Variants in PLCB1 observed in about 807,000 individuals in gnomAD.
PLCB1 encodes phospholipase C beta 1, also known as 1-phosphatidylinositol 4,5-bisphosphate phosphodiesterase beta-1.
In PLCB1, 46 loss-of-function variants were observed where a neutral mutation model predicts 161.8. The observed-to-expected ratio is 0.28, with a 90% confidence interval of 0.22 to 0.36. The LOEUF (loss-of-function observed/expected upper bound fraction) is 0.36, where lower values mean the gene tolerates loss of function less well. Among genes scored for constraint, PLCB1 ranks in the 10% least tolerant of loss-of-function variants. The pLI, the probability that PLCB1 is intolerant of heterozygous loss-of-function variation, is 1.00. For missense variants in PLCB1, 1,016 were observed against 1,472.5 expected (o/e 0.69, Z 5.07); for synonymous variants, 517 against 503.7 (o/e 1.03, Z -0.35).
intron 9 of PLCB1, among the ~76,000 whole-genome samples, chr20:8,676,224 G>A (rs945613472): frequency 1.3e-5 from 2 of 152,180 alleles, no homozygotes; most frequent in Non-Finnish European, 2.9e-5. Context: ...AGCCGGGCGT[G>A]GTGGCATGTG....
intron 3 of PLCB1, among the ~76,000 whole-genome samples, chr20:8,578,468 A>G (rs958085524): frequency 2.6e-5 from 4 of 152,242 alleles, no homozygotes; most frequent in African/African-American, 9.6e-5. Flanking sequence ...ATGAGTGTTG[A>G]GTGACCACAA....
At chr20:8,262,591 G>C (rs754165667) in intron 2 of PLCB1, among the ~76,000 whole-genome samples, 8 of 152,152 alleles carry the variant, frequency 5.3e-5, no homozygotes, top group Non-Finnish European at 7.4e-5. Flanking sequence ...CTGGCTATTT[G>C]AAATATATGA....
At chr20:8,550,752 C>T (rs910346473) in intron 3 of PLCB1, among the ~76,000 whole-genome samples, 2 of 152,140 alleles carry the variant, frequency 1.3e-5, no homozygotes, top group African/African-American at 4.8e-5. Context: ...GTCTTGTGCA[C>T]CTTACATCAA....
At chr20:8,515,322 T>A (rs942208316) in intron 3 of PLCB1, among the ~76,000 whole-genome samples, 1 of 152,204 alleles carries the variant, frequency 6.6e-6, no homozygotes. Flanking sequence ...GAAGACACCA[T>A]TACAGTAAAT....
intron 2 of PLCB1, among the ~76,000 whole-genome samples, chr20:8,322,091 A>C (rs1030040754): frequency 2.0e-5 from 3 of 152,166 alleles, no homozygotes; most frequent in Admixed American, 2.0e-4. Context: ...AGAATTCCCC[A>C]GCAGAACTGA....
chr20:8,878,730 T>C (rs1443351387), intron 31 of PLCB1, among the ~76,000 whole-genome samples: 1 of 152,064 alleles, frequency 6.6e-6, no homozygotes, highest in Non-Finnish European at 1.5e-5. Flanking sequence ...CATTTTCTAT[T>C]TTTATTTATT....
intron 13 of PLCB1, 125 bp from the exon 14 acceptor site, chr20:8,717,546 T>G (rs1979389070): frequency 1.5e-6 from 1 of 649,972 alleles, no homozygotes; most frequent in African/African-American, 1.8e-5. Flanking sequence ...AAGAGTTTAA[T>G]GAGCAGTGTT....
At chr20:8,331,188 T>C (rs1985351752) in intron 2 of PLCB1, among the ~76,000 whole-genome samples, 1 of 152,170 alleles carries the variant, frequency 6.6e-6, no homozygotes, top group African/African-American at 2.4e-5. Context: ...AATAAAACCT[T>C]GTATGACTGA....
chr20:8,606,809 C>T (rs528625960), intron 3 of PLCB1, among the ~76,000 whole-genome samples: 1 of 152,254 alleles, frequency 6.6e-6, no homozygotes, highest in African/African-American at 2.4e-5. Context: ...GAGCCCTAAA[C>T]ATTTCTTTAA....
intron 19 of PLCB1, among the ~76,000 whole-genome samples, chr20:8,733,966 CAAA>C (rs35865041): frequency 7.0e-6 from 1 of 143,606 alleles, no homozygotes; most frequent in South Asian, 2.2e-4. Context: ...CTAAAAAATA[CAAA>C]AAAAAACAAT....
At chr20:8,136,942 A>T (rs547641505) in intron 1 of PLCB1, among the ~76,000 whole-genome samples, 11 of 152,334 alleles carry the variant, frequency 7.2e-5, no homozygotes, top group Non-Finnish European at 1.3e-4. Flanking sequence ...AAATATATTT[A>T]TGTATATATG....
Position 8,881,952 on chromosome 20 carries a change from C to A in PLCB1, c.*103C>A. ...CCAGGACCATCTTCCCGAGAAGCAT[C>A]CCTTAGCCTAAAATCCACACCAAAG... is the stretch of plus-strand genomic sequence containing the variant. On this transcript the variant is annotated 3_prime_UTR_variant, in exon 32 of 32. Transcript: ENST00000338037. 1.3e-6 allele frequency: 1 copy of A among 755,418 alleles called. No individual in the cohort carries two copies. Among genetic ancestry groups the A allele is most frequent in the Non-Finnish European group, 2.2e-6 (1 of 454,558 alleles). The allele number at this position is 755,418 out of a possible 1,614,324, so 46.8% of individuals were successfully genotyped here. A position where few individuals can be genotyped will look rare whatever the true frequency, so the allele number is the denominator to read the frequency against.
At chr20:8,430,725 G>T (rs955099924) in intron 3 of PLCB1, among the ~76,000 whole-genome samples, 1 of 152,148 alleles carries the variant, frequency 6.6e-6, no homozygotes, top group Admixed American at 6.5e-5. Context: ...GGCCAAGGTG[G>T]GAGGATCACT....
chr20:8,329,931 G>C (rs753960962), intron 2 of PLCB1, among the ~76,000 whole-genome samples: 3 of 152,172 alleles, frequency 2.0e-5, no homozygotes, highest in Non-Finnish European at 4.4e-5. Flanking sequence ...TTAAATGTTT[G>C]CAAAGGAGCT....
At chr20:8,232,845 A>G (rs925024503) in intron 2 of PLCB1, among the ~76,000 whole-genome samples, 1 of 152,022 alleles carries the variant, frequency 6.6e-6, no homozygotes, top group Non-Finnish European at 1.5e-5. Context: ...TCTAGATTTG[A>G]CCTACCTTTA....
intron 2 of PLCB1, among the ~76,000 whole-genome samples, chr20:8,174,480 AGAAAG>A (rs938684374): frequency 5.9e-5 from 9 of 152,222 alleles, no homozygotes; most frequent in African/African-American, 2.2e-4. Flanking sequence ...TTTATAAAAC[AGAAAG>A]GAAAGTATAG....
chr20:8,695,444 G>A (rs1052209686), intron 10 of PLCB1, among the ~76,000 whole-genome samples: 4 of 152,204 alleles, frequency 2.6e-5, no homozygotes, highest in African/African-American at 4.8e-5. Flanking sequence ...GTTTATACCT[G>A]TAATCTCAGC....
intron 10 of PLCB1, among the ~76,000 whole-genome samples, chr20:8,697,139 G>A (rs1202138540): frequency 6.6e-6 from 1 of 152,052 alleles, no homozygotes; most frequent in Admixed American, 6.5e-5. Context: ...TTATATAATA[G>A]AACAGTCTCC....
At chr20:8,231,440 C>G (rs1409410385) in intron 2 of PLCB1, among the ~76,000 whole-genome samples, 1 of 152,122 alleles carries the variant, frequency 6.6e-6, no homozygotes, top group African/African-American at 2.4e-5. Flanking sequence ...GCATAAGAAC[C>G]ACTACCTTAG....
Sources: allele counts gnomAD v4.1 joint callset (sites outside exome capture counted in the v4.1 genomes callset), GRCh38; gene constraint gnomAD v4.1.1; transcripts MANE v1.5; gene names NCBI Gene and HGNC (gene_info 2026-07-23, HGNC 2026-07-21).